Variants in PLXNA4 observed in about 807,000 individuals in gnomAD.
PLXNA4 encodes the protein plexin-A4.
Under a neutral mutation model 191.8 loss-of-function variants are expected in PLXNA4, and 44 were observed. The observed-to-expected ratio is 0.23, with a 90% CI of 0.18 to 0.29. The LOEUF (loss-of-function observed/expected upper bound fraction) is 0.29. Ranked by LOEUF, PLXNA4 falls within the 10% of genes least tolerant of loss-of-function variation. The pLI is 1.00. For missense variants in PLXNA4, 1,800 were observed against 2,488.8 expected (o/e 0.72, Z 5.89); for synonymous variants, 1,082 against 1,009.5 (o/e 1.07, Z -1.36).
chr7:132,409,363 C>T (rs530904892), intron 3 of PLXNA4, among the ~76,000 whole-genome samples: 7 of 152,196 alleles, frequency 4.6e-5, no homozygotes, highest in East Asian at 3.9e-4. Flanking sequence ...AGCCCCGAGA[C>T]GTCTTCCCTT....
rs565968666 is a variant in PLXNA4 at position 132,153,312 on chromosome 7, A to G, written c.4661-4666T>C. 3.9e-5 allele frequency among the ~76,000 whole-genome samples: 6 copies of G among 152,212 alleles called. No individual in the cohort carries two copies. The East Asian group carries it at 7.7e-4, about 20-fold the overall frequency. ...GGGAGGTCAGGAGCTAAGTTAAGAA[A>G]GATCCAGCATGCCATGCCAAGGTGT... On this transcript the variant is annotated intron_variant, in intron 25 of 31. Coordinates refer to ENST00000321063, the MANE Select transcript of PLXNA4 (RefSeq NM_020911.2).
chr7:132,629,225 A>C (rs544746211), intron 2 of PLXNA4, among the ~76,000 whole-genome samples: 1 of 152,208 alleles, frequency 6.6e-6, no homozygotes, highest in Non-Finnish European at 1.5e-5. Flanking sequence ...AAGAAGGGGA[A>C]TAAGAGGCCT....
At chr7:132,156,238 G>A (rs974547619) in intron 25 of PLXNA4, among the ~76,000 whole-genome samples, 2 of 151,002 alleles carry the variant, frequency 1.3e-5, no homozygotes, top group East Asian at 3.9e-4. Flanking sequence ...CCTTACTAAC[G>A]CGGTTTCCCA....
At chr7:132,464,679 T>A (rs1796634735) in intron 3 of PLXNA4, among the ~76,000 whole-genome samples, 3 of 152,238 alleles carry the variant, frequency 2.0e-5, no homozygotes, top group Admixed American at 2.0e-4. Context: ...GTAGTAGTGA[T>A]GCAGGTGGCA....
chr7:132,209,514 A>C (rs1482450580), intron 10 of PLXNA4, among the ~76,000 whole-genome samples: 2 of 152,132 alleles, frequency 1.3e-5, no homozygotes, highest in African/African-American at 2.4e-5. Flanking sequence ...GGAGTGCTGC[A>C]GAAATCTGAG....
At chr7:132,544,487 A>G (rs891875762) in intron 1 of PLXNA4, among the ~76,000 whole-genome samples, 1 of 152,222 alleles carries the variant, frequency 6.6e-6, no homozygotes, top group Non-Finnish European at 1.5e-5. Flanking sequence ...ATTGGATTAC[A>G]AGCCAGGAAG....
intron 1 of PLXNA4, among the ~76,000 whole-genome samples, chr7:132,555,574 C>T (rs529798696): frequency 6.6e-6 from 1 of 152,288 alleles, no homozygotes; most frequent in South Asian, 2.1e-4. Context: ...AGCTATTTCC[C>T]ACGTATTATG....
chr7:132,372,900 G>A (rs375153409), intron 3 of PLXNA4, among the ~76,000 whole-genome samples: 10 of 152,314 alleles, frequency 6.6e-5, no homozygotes, highest in South Asian at 2.1e-4. Context: ...AGGGCCTGGC[G>A]TGGAGAGCAT....
At chr7:132,368,902 T>C (rs1804309848) in intron 3 of PLXNA4, among the ~76,000 whole-genome samples, 1 of 152,180 alleles carries the variant, frequency 6.6e-6, no homozygotes, top group Non-Finnish European at 1.5e-5. Flanking sequence ...GGTGTCTGCA[T>C]TCACCTCACA....
At chr7:132,278,129 A>T (rs762925386) in intron 4 of PLXNA4, among the ~76,000 whole-genome samples, 14 of 152,244 alleles carry the variant, frequency 9.2e-5, no homozygotes, top group Non-Finnish European at 1.3e-4. Flanking sequence ...TCTATGCAGA[A>T]AGTTCCTGTG....
intron 2 of PLXNA4, among the ~76,000 whole-genome samples, chr7:132,498,211 ATTAC>A (rs964548648): frequency 2.6e-5 from 4 of 152,186 alleles, no homozygotes; most frequent in African/African-American, 9.6e-5. Context: ...TATGATTATT[ATTAC>A]TGTTAATCTT....
chr7:132,275,009 T>C (rs916597884), intron 4 of PLXNA4, among the ~76,000 whole-genome samples: 1 of 152,138 alleles, frequency 6.6e-6, no homozygotes, highest in African/African-American at 2.4e-5. Flanking sequence ...GTTTCTACAC[T>C]ATAAAGTTAT....
intron 3 of PLXNA4, among the ~76,000 whole-genome samples, chr7:132,380,847 G>C (rs975764199): frequency 6.6e-6 from 1 of 152,174 alleles, no homozygotes; most frequent in African/African-American, 2.4e-5. Flanking sequence ...AGGTGATACT[G>C]GTCCAAGAGC....
intron 2 of PLXNA4, among the ~76,000 whole-genome samples, chr7:132,610,372 C>A (rs1259616276): frequency 6.6e-6 from 1 of 152,202 alleles, no homozygotes; most frequent in Non-Finnish European, 1.5e-5. Flanking sequence ...AAAGGGACTG[C>A]TCTGCTATTG....
chr7:132,175,817 A>G (rs1796438975), intron 20 of PLXNA4, among the ~76,000 whole-genome samples: 1 of 152,258 alleles, frequency 6.6e-6, no homozygotes, highest in South Asian at 2.1e-4. Flanking sequence ...ATATACGTGC[A>G]TGCATGCACA....
chr7:132,384,501 A>G lies in PLXNA4; in HGVS notation c.1372-86279T>C, dbSNP rs970690287. The G allele has an allele frequency of 4.1e-6, 4 of 986,162 alleles. No individual in the cohort carries two copies. In the African/African-American group the frequency reaches 7.0e-5, roughly 17 times the overall value. 61.1% of individuals were successfully genotyped at this position (986,162 alleles called of 1,614,324 possible). A position where few individuals can be genotyped will look rare whatever the true frequency, so the allele number is the denominator to read the frequency against. ...ACACTGCTCACGCTTTGTTGTAACC[A>G]TAGTCTTAAGGAAAGGAGACTGGAC... On this transcript the variant is annotated intron_variant, in intron 3 of 31. Transcript: ENST00000321063.
At chr7:132,235,687 C>T (rs556214066) in intron 5 of PLXNA4, among the ~76,000 whole-genome samples, 21 of 152,242 alleles carry the variant, frequency 1.4e-4, no homozygotes, top group Non-Finnish European at 7.4e-5. Flanking sequence ...CCAATCGATG[C>T]GGCTGGGTCT....
chr7:132,246,802 ATCATCCT>A (rs1562989648), intron 4 of PLXNA4, among the ~76,000 whole-genome samples: 2 of 149,838 alleles, frequency 1.3e-5, no homozygotes, highest in African/African-American at 5.0e-5. Flanking sequence ...CATCATCATC[ATCATCCT>A]CATCATCATC....
At chr7:132,182,972 C>T (rs1796759605) in intron 16 of PLXNA4, among the ~76,000 whole-genome samples, 1 of 152,180 alleles carries the variant, frequency 6.6e-6, no homozygotes, top group Non-Finnish European at 1.5e-5. Context: ...CTGTAGTGGA[C>T]TGTGTCCTCC....
Sources: allele counts gnomAD v4.1 joint callset (sites outside exome capture counted in the v4.1 genomes callset), GRCh38; gene constraint gnomAD v4.1.1; transcripts MANE v1.5; gene names NCBI Gene and HGNC (gene_info 2026-07-23, HGNC 2026-07-21).